The following SYBU variants were observed in gnomAD, a reference collection of about 807,000 sequenced individuals.
SYBU encodes the protein syntabulin, also known as GOLSYN A protein.
In SYBU, 21 loss-of-function variants were observed where a neutral mutation model predicts 35.9. The observed-to-expected ratio is 0.58, with a 90% CI of 0.41 to 0.84. The LOEUF is 0.84. SYBU is among the 40% of genes least tolerant of loss of function. The pLI is 0.00. For synonymous variants in SYBU, 319 were observed against 324.3 expected (o/e 0.98, Z 0.18); for missense variants, 768 against 848.2 (o/e 0.91, Z 1.17).
chr8:109,635,100 C>T (rs950759956), intron 2 of SYBU, among the ~76,000 whole-genome samples: 1 of 152,234 alleles, frequency 6.6e-6, no homozygotes, highest in Non-Finnish European at 1.5e-5. Flanking sequence ...TACTTTGTTA[C>T]CTCTCACTCA....
chr8:109,667,060 AC>A (rs1304932581), intron 1 of SYBU, among the ~76,000 whole-genome samples: 1 of 152,178 alleles, frequency 6.6e-6, no homozygotes, highest in Non-Finnish European at 1.5e-5. Flanking sequence ...AGCAGCTTGA[AC>A]TAACTTAGAT....
At position 109,586,063 on chromosome 8, in the gene SYBU, C is replaced by A; in HGVS notation, c.527G>T (p.Arg176Leu). Residue 176 changes from arginine (R) to leucine (L), a missense_variant, in exon 4 of 7, where the codon CGC becomes CTC. Transcript: ENST00000276646. ...TAGSKRSSSSRNRGPHGRSNG... is the reference protein window; with the variant it reads ...TAGSKRSSSSLNRGPHGRSNG... Reference sequence around the variant, plus strand: ...CAGAGCAGGAGATGGTGCCTACTTGCGTGAAGAAGAAGACCGCTTGCTTCC... The same window carrying A: ...CAGAGCAGGAGATGGTGCCTACTTGAGTGAAGAAGAAGACCGCTTGCTTCC... The A allele has an allele frequency of 5.0e-6, 8 of 1,607,342 alleles. No individual in the cohort carries two copies. The highest frequency in any genetic ancestry group is 6.8e-6 in the Non-Finnish European group (8 of 1,176,886).
At chr8:109,688,771 TA>T (rs370179411) in intron 1 of SYBU, among the ~76,000 whole-genome samples, 10,748 of 137,342 alleles carry the variant, frequency 0.078, 477 homozygotes, top group South Asian at 0.23. Context: ...TTTACACAGA[TA>T]AAAAAAAAAA....
Position 109,575,953 on chromosome 8 carries a change from C to T in SYBU, c.945G>A (p.Glu315=). 2 of 1,612,650 alleles carry T rather than the reference C, an allele frequency of 1.2e-6. No individual in the cohort carries two copies. Among genetic ancestry groups the T allele is most frequent in the Non-Finnish European group, 8.5e-7 (1 of 1,179,922 alleles). The change falls in exon 7 of 7, where the codon GAG becomes GAA. Residue 315 remains glutamate, a synonymous_variant. Coordinates refer to ENST00000276646, the MANE Select transcript of SYBU (RefSeq NM_001099754.2). The stretch of plus-strand genomic sequence containing the variant: ...GGGCCTCTACCCGGTGACACTCCTC[C>T]TCAATCCAGTCCTCTCGCATGCGGG... ...QLARMREDWI[E]EECHRVEAQL...
At position 109,653,965 on chromosome 8, in the gene SYBU, T is replaced by C. The variant is rs527356577; in HGVS notation, c.-129+26746A>G. 5.3e-5 allele frequency among the ~76,000 whole-genome samples: 8 copies of C among 152,334 alleles called. No homozygotes were observed. The East Asian group carries it at 1.5e-3, about 29-fold the overall frequency. On this transcript the variant is annotated intron_variant, in intron 1 of 5. Coordinates refer to the SYBU transcript ENST00000408889. Reference sequence around the variant, plus strand: ...CCTATCAGTTAGTCTCTCATAGGATTATTGAGAGTATCAGAGGAGTTAATA... The same window carrying C: ...CCTATCAGTTAGTCTCTCATAGGATCATTGAGAGTATCAGAGGAGTTAATA...
intron 1 of SYBU, among the ~76,000 whole-genome samples, chr8:109,654,634 A>G (rs939206910): frequency 3.3e-5 from 5 of 151,822 alleles, no homozygotes; most frequent in Non-Finnish European, 7.3e-5. Context: ...GCTTACCTCT[A>G]TTCCATGATT....
Position 109,691,422 on chromosome 8 carries a change from C to T in SYBU, c.-147G>A. On this transcript the variant is annotated 5_prime_UTR_variant, in exon 1 of 8. Transcript: ENST00000422135. The surrounding 1 kb of genome is among the most constrained non-coding windows in gnomAD (Gnocchi z 4.7). ...ACCGGGCCCCGGCTGGGCCGGGTGC[C>T]GGTGCGGACGGGACCCCGCGTCGCT... 1 of 677,026 alleles carries T rather than the reference C, an allele frequency of 1.5e-6. No individual in the cohort carries two copies. Among genetic ancestry groups the T allele is most frequent in the East Asian group, 2.9e-5 (1 of 33,974 alleles). 41.9% of individuals were successfully genotyped at this position (677,026 alleles called of 1,614,324 possible).
At chr8:109,675,584 C>G (rs535198739) in intron 1 of SYBU, among the ~76,000 whole-genome samples, 3 of 152,154 alleles carry the variant, frequency 2.0e-5, no homozygotes, top group African/African-American at 7.2e-5. Context: ...CAAGACTAAG[C>G]CAGGAAGAAT....
upstream of SYBU, among the ~76,000 whole-genome samples, chr8:109,684,461 G>T (rs1817473371): frequency 6.6e-6 from 1 of 152,200 alleles, no homozygotes; most frequent in Admixed American, 6.5e-5. Context: ...AGAAATATCA[G>T]ACTGGGAAAT....
chr8:109,593,334 G>A lies in SYBU; in HGVS notation c.428-7172C>T, dbSNP rs565478409. 3.3e-5 allele frequency among the ~76,000 whole-genome samples: 5 copies of A among 152,268 alleles called. No homozygotes were observed. In the South Asian group the frequency reaches 1.0e-3, roughly 32 times the overall value. ...ACAGACAGGCCAGCAAAAGGAAGAG[G>A]AAGAAATTCACGGGCAAAGTGCACT... On this transcript the variant is annotated intron_variant, in intron 3 of 6. Transcript: ENST00000276646.
At chr8:109,607,808 T>TCACACACA (rs71305960) in intron 3 of SYBU, 62,325 of 373,170 alleles carry the variant, frequency 0.17, 4,021 homozygotes, top group Non-Finnish European at 0.18. Context: ...CACAACTAAC[T>TCACACACA]CACACACACA....
At chr8:109,674,717 A>G (rs990715686) in intron 1 of SYBU, among the ~76,000 whole-genome samples, 25 of 152,206 alleles carry the variant, frequency 1.6e-4, no homozygotes, top group African/African-American at 5.8e-4. Flanking sequence ...CTCCACTCTC[A>G]ATATTATAGA....
At chr8:109,616,063 G>A (rs1423068373) in intron 3 of SYBU, among the ~76,000 whole-genome samples, 1 of 103,558 alleles carries the variant, frequency 9.7e-6, no homozygotes, top group Non-Finnish European at 1.8e-5. Context: ...CCAGGCTGGA[G>A]TGCAGTGGCA....
At chr8:109,676,510 T>C (rs1026534252) in intron 1 of SYBU, among the ~76,000 whole-genome samples, 5 of 152,188 alleles carry the variant, frequency 3.3e-5, no homozygotes, top group Non-Finnish European at 5.9e-5. Context: ...CATTATCAAA[T>C]TAAGTTATCA....
At chr8:109,657,888 G>T (rs2130733305) in intron 1 of SYBU, among the ~76,000 whole-genome samples, 1 of 152,214 alleles carries the variant, frequency 6.6e-6, no homozygotes, top group Non-Finnish European at 1.5e-5. Context: ...TCAAACACTG[G>T]GATGCATCTT....
rs187663186 is a variant in SYBU, at chr8:109,574,907, T to C, written c.1991A>G (p.Ter664=). The change falls in exon 7 of 7, where the codon TAA becomes TGA. Residue 664 remains the stop codon, a stop_retained_variant. Transcript: ENST00000276646. Reference sequence around the variant, plus strand: ...GCACACGGTAACAACAACTTCTATTTAGGTTTTGATACGGAAGGCGGTGCG... The same window carrying C: ...GCACACGGTAACAACAACTTCTATTCAGGTTTTGATACGGAAGGCGGTGCG... ...LRRTAFRIKT[*] The C allele has an allele frequency of 2.6e-6, 4 of 1,512,950 alleles. No homozygotes were observed. The highest frequency in any genetic ancestry group is 3.5e-6 in the Non-Finnish European group (4 of 1,130,854). 93.7% of individuals were successfully genotyped at this position (1,512,950 alleles called of 1,614,324 possible).
At chr8:109,598,298 C>G (rs903445764) in intron 3 of SYBU, among the ~76,000 whole-genome samples, 1 of 152,184 alleles carries the variant, frequency 6.6e-6, no homozygotes. Flanking sequence ...GAGTGAACTG[C>G]TTAATTTACT....
intron 3 of SYBU, among the ~76,000 whole-genome samples, chr8:109,602,915 A>G (rs887684995): frequency 5.3e-5 from 8 of 152,198 alleles, no homozygotes; most frequent in Non-Finnish European, 8.8e-5. Flanking sequence ...AGAAAGGGAG[A>G]AACAGAATAA....
At chr8:109,677,871 A>T (rs1817246938) in intron 1 of SYBU, among the ~76,000 whole-genome samples, 1 of 152,150 alleles carries the variant, frequency 6.6e-6, no homozygotes, top group Admixed American at 6.6e-5. Context: ...CCGGGAGCTC[A>T]CACCTGTAAT....
Sources: allele counts gnomAD v4.1 joint callset (sites outside exome capture counted in the v4.1 genomes callset), GRCh38; gene constraint gnomAD v4.1.1; non-coding constraint Gnocchi (gnomAD v3.1); transcripts MANE v1.5; gene names NCBI Gene and HGNC (gene_info 2026-07-23, HGNC 2026-07-21).